Variants in CKS1B observed in about 807,000 individuals in gnomAD.
The protein encoded by CKS1B is CDC28 protein kinase regulatory subunit 1B.
A neutral mutation model predicts 12.2 loss-of-function variants in CKS1B; 5 were observed. The observed-to-expected ratio is 0.41, with a 90% CI of 0.21 to 0.86. The LOEUF is 0.86. Among genes scored for constraint, CKS1B ranks in the 40% least tolerant of loss-of-function variants. The pLI, the probability that CKS1B is intolerant of heterozygous loss-of-function variation, is 0.32. For missense variants in CKS1B, 53 were observed against 99.9 expected, an observed-to-expected ratio of 0.53 and a Z score of 2.00; for synonymous variants, 24 against 34.4, an observed-to-expected ratio of 0.70 and a Z score of 1.06.
At chr1:154,975,054 T>G in intron 1 of CKS1B, 1 of 902,744 alleles carries the variant, frequency 1.1e-6, no homozygotes, top group Non-Finnish European at 1.8e-6. Context: ...GTTAGGGTAC[T>G]GACCACCCTC....
chr1:154,977,081 G>C (rs1558069288), intron 1 of CKS1B, among the ~76,000 whole-genome samples: 2 of 151,982 alleles, frequency 1.3e-5, no homozygotes, highest in Non-Finnish European at 2.9e-5. Context: ...GGAGTGCAGT[G>C]GCTATTCACA....
At chr1:154,975,147 TG>T (rs1657125340) in intron 1 of CKS1B, 1 of 599,862 alleles carries the variant, frequency 1.7e-6, no homozygotes, top group African/African-American at 1.9e-5. Context: ...ACAGTAATCT[TG>T]TCGAATCCAG....
At chr1:154,978,537 A>T in intron 2 of CKS1B, 188 bp from the exon 3 acceptor site, 1 of 604,922 alleles carries the variant, frequency 1.7e-6, no homozygotes, top group Non-Finnish European at 2.9e-6. Flanking sequence ...AAAAGAACTG[A>T]TATTAACAAT....
Position 154,974,686 on chromosome 1 carries a change from C to T in CKS1B, c.-60C>T. Reference sequence around the variant, plus strand: ...AGGCCAAAGTGGGTGGGAGCGCGTGCTGTTGGGAGTTGCTTGGAGGTTGGC... The same window carrying T: ...AGGCCAAAGTGGGTGGGAGCGCGTGTTGTTGGGAGTTGCTTGGAGGTTGGC... On this transcript the variant is annotated 5_prime_UTR_variant, in exon 1 of 3. Coordinates refer to ENST00000308987, the MANE Select transcript of CKS1B (RefSeq NM_001826.3). 6.5e-7 allele frequency: 1 copy of T among 1,546,372 alleles called. No individual in the cohort carries two copies. Among genetic ancestry groups the T allele is most frequent in the Non-Finnish European group, 8.8e-7 (1 of 1,142,126 alleles).
rs775724862 is a variant in CKS1B at position 154,978,762 on chromosome 1, G to T, written c.225G>T (p.Lys75Asn). ...HILLFRRPLP[K>N]KPKK The stretch of plus-strand genomic sequence containing the variant: ...TGCTGTTCCGGCGCCCACTACCCAA[G>T]AAACCAAAGAAATGAAGCTGGCAAG... The change falls in exon 3 of 3, where the codon AAG becomes AAT. Residue 75 changes from lysine (K) to asparagine (N), a missense_variant. Lys to Asn is a moderately conservative substitution (Grantham distance 94). Transcript: ENST00000308987. 7 of 1,612,232 alleles carry T rather than the reference G, an allele frequency of 4.3e-6. No homozygotes were observed. The South Asian group carries it at 7.7e-5, about 18-fold the overall frequency.
rs918652105 is a variant in CKS1B, at chr1:154,978,938, A to G, written c.*161A>G. ...GTGCTGGTAACTGCTTTGCTTCTTG[A>G]GTAGAGCCACCACCACCATAGCCCA... On this transcript the variant is annotated 3_prime_UTR_variant, in exon 3 of 3. Coordinates refer to ENST00000308987, the MANE Select transcript of CKS1B (RefSeq NM_001826.3). 54 of 612,820 alleles carry G rather than the reference A, an allele frequency of 8.8e-5. No individual in the cohort carries two copies. The South Asian group carries it at 9.9e-4, about 11-fold the overall frequency. 38.0% of individuals were successfully genotyped at this position (612,820 alleles called of 1,614,324 possible).
intron 1 of CKS1B, among the ~76,000 whole-genome samples, chr1:154,976,613 G>A (rs1279763413): frequency 6.6e-6 from 1 of 152,146 alleles, no homozygotes; most frequent in African/African-American, 2.4e-5. Context: ...ACTTAAAACT[G>A]TATGTGCTTA....
chr1:154,978,124 C>T lies in CKS1B; in HGVS notation c.187+10C>T. The T allele has an allele frequency of 6.2e-7, 1 of 1,613,220 alleles. No homozygotes were observed. ...ATGATCCATGAACCAGGTCAGTGCA[C>T]TGGCTAAAAACAACCATATAGAACT... On this transcript the variant is annotated intron_variant, in intron 2 of 2. Coordinates refer to ENST00000308987, the MANE Select transcript of CKS1B (RefSeq NM_001826.3).
rs1657244009 is a variant in CKS1B at position 154,978,453 on chromosome 1, T to A, written c.188-272T>A. 4 of 556,954 alleles carry A rather than the reference T, an allele frequency of 7.2e-6. No individual in the cohort carries two copies. In the East Asian group the frequency reaches 1.2e-4, roughly 16 times the overall value. 34.5% of individuals were successfully genotyped at this position (556,954 alleles called of 1,614,324 possible). A position where few individuals can be genotyped will look rare whatever the true frequency, so the allele number is the denominator to read the frequency against. On this transcript the variant is annotated intron_variant, in intron 2 of 2. Transcript: ENST00000308987. ...CTAAATAAGCAAAGGAAAGTATATTTATTGATAAGACACCAGACACCCAGC... is the reference window on the plus strand; with the variant it reads ...CTAAATAAGCAAAGGAAAGTATATTAATTGATAAGACACCAGACACCCAGC...
chr1:154,975,234 T>G, intron 1 of CKS1B: 2 of 519,044 alleles, frequency 3.9e-6, no homozygotes, highest in East Asian at 3.4e-5. Flanking sequence ...GAGAGTTGAA[T>G]ATTGCTTATT....
Position 154,974,730 on chromosome 1 carries a change from A to G in CKS1B, c.-16A>G, listed in dbSNP as rs1014635654. ...GGTTGGCGGCGCGGGGCTGAAGGCT[A>G]GCAAACCGAGCGATCATGTCGCACA... On this transcript the variant is annotated 5_prime_UTR_variant, in exon 1 of 3. Coordinates refer to ENST00000308987, the MANE Select transcript of CKS1B (RefSeq NM_001826.3). The G allele has an allele frequency of 3.8e-6, 6 of 1,582,776 alleles. No homozygotes were observed. Among genetic ancestry groups the G allele is most frequent in the East Asian group, 2.3e-5 (1 of 43,300 alleles).
chr1:154,978,239 G>C (rs1657238150), intron 2 of CKS1B, 125 bp downstream of exon 2: 1 of 1,064,468 alleles, frequency 9.4e-7, no homozygotes, highest in Non-Finnish European at 1.3e-6. Flanking sequence ...TCCAGTCGTG[G>C]GGGATTTTTT....
At chr1:154,974,979 C>T (rs1657109456) in intron 1 of CKS1B, 175 bp downstream of exon 1, 1 of 1,592,642 alleles carries the variant, frequency 6.3e-7, no homozygotes, top group South Asian at 1.1e-5. Context: ...GGGAGGCGCT[C>T]GTAAAACAAA....
chr1:154,976,218 A>G (rs965973926), intron 1 of CKS1B, among the ~76,000 whole-genome samples: 9 of 152,208 alleles, frequency 5.9e-5, no homozygotes, highest in Admixed American at 5.2e-4. Context: ...AAGACACTGG[A>G]TAGCCATCTG....
intron 1 of CKS1B, chr1:154,977,314 G>A (rs934542602): frequency 1.3e-5 from 2 of 151,724 alleles, no homozygotes; most frequent in Non-Finnish European, 2.9e-5. Context: ...GGGGTTTCAC[G>A]TTGTTGGTCA....
intron 1 of CKS1B, 70 bp downstream of exon 1, chr1:154,974,874 A>G (rs1657097608): frequency 1.2e-6 from 2 of 1,613,936 alleles, no homozygotes; most frequent in African/African-American, 2.7e-5. Flanking sequence ...GGAATTAGTA[A>G]CAGGAACTGA....
At chr1:154,978,209 G>A in intron 2 of CKS1B, 95 bp downstream of exon 2, 1 of 1,274,994 alleles carries the variant, frequency 7.8e-7, no homozygotes, top group South Asian at 1.8e-5. Flanking sequence ...ATAGGAAATG[G>A]TTTACTGGTT....
In CKS1B at chr1:154,978,896, C is replaced by G; in HGVS notation, c.*119C>G. 1 of 696,040 alleles carries G rather than the reference C, an allele frequency of 1.4e-6. No homozygotes were observed. Among genetic ancestry groups the G allele is most frequent in the East Asian group, 2.7e-5 (1 of 36,908 alleles). The allele number at this position is 696,040 out of a possible 1,614,324, so 43.1% of individuals were successfully genotyped here. On this transcript the variant is annotated 3_prime_UTR_variant, in exon 3 of 3. Transcript: ENST00000308987. Reference sequence around the variant, plus strand: ...CTCACTTTGATATTTAAAAGATGTTCAATACACTGTTTGAATGTGCTGGTA... The same window carrying G: ...CTCACTTTGATATTTAAAAGATGTTGAATACACTGTTTGAATGTGCTGGTA...
chr1:154,975,102 CG>C lies in CKS1B; in HGVS notation c.59+301del. On this transcript the variant is annotated intron_variant, in intron 1 of 2. Coordinates refer to ENST00000308987, the MANE Select transcript of CKS1B (RefSeq NM_001826.3). ...TTCTGGATCATTCTCTGAACTTTATCGGGCAAACTTAACTTGCCTTGTAGAG... is the reference window on the plus strand; with the variant it reads ...TTCTGGATCATTCTCTGAACTTTATCGGCAAACTTAACTTGCCTTGTAGAG... 7.6e-6 allele frequency: 5 copies of C among 660,668 alleles called. No homozygotes were observed. In the South Asian group the frequency reaches 8.7e-5, roughly 11 times the overall value. The allele number at this position is 660,668 out of a possible 1,614,324, so 40.9% of individuals were successfully genotyped here.
Sources: allele counts gnomAD v4.1 joint callset (sites outside exome capture counted in the v4.1 genomes callset), GRCh38; gene constraint gnomAD v4.1.1; transcripts MANE v1.5; gene names NCBI Gene and HGNC (gene_info 2026-07-23, HGNC 2026-07-21).